DENND1A: variants seen among roughly 807,000 people sequenced by gnomAD.
DENND1A encodes DENN domain-containing protein 1A.
A neutral mutation model predicts 113.7 loss-of-function variants in DENND1A; 51 were observed. That is an observed-to-expected ratio of 0.45 (90% confidence interval 0.36 to 0.57). DENND1A has a LOEUF of 0.57. Among genes scored for constraint, DENND1A ranks in the 20% least tolerant of loss-of-function variants. The probability of loss-of-function intolerance (pLI) is 0.00; values close to 1 mark genes in which losing one functional copy is unlikely to be tolerated. For synonymous variants in DENND1A, 565 were observed against 570.8 expected (o/e 0.99, Z 0.14); for missense variants, 1,258 against 1,395.9 (o/e 0.90, Z 1.57).
At chr9:123,549,117 A>G (rs2056885607) in intron 13 of DENND1A, among the ~76,000 whole-genome samples, 1 of 152,220 alleles carries the variant, frequency 6.6e-6, no homozygotes, top group African/African-American at 2.4e-5. Context: ...CTCTTTAGAC[A>G]GACCTGGGTG....
intron 5 of DENND1A, among the ~76,000 whole-genome samples, chr9:123,717,831 G>C (rs2067078656): frequency 6.6e-6 from 1 of 152,216 alleles, no homozygotes; most frequent in Non-Finnish European, 1.5e-5. Flanking sequence ...TTGCTGAAAT[G>C]CTAAACAGTG....
chr9:123,616,820 A>G (rs974498510), intron 10 of DENND1A, among the ~76,000 whole-genome samples: 1 of 152,254 alleles, frequency 6.6e-6, no homozygotes, highest in Admixed American at 6.5e-5. Flanking sequence ...AACAGGTATC[A>G]CTAATATCAG....
At chr9:123,723,793 C>G (rs558921539) in intron 5 of DENND1A, among the ~76,000 whole-genome samples, 1 of 152,146 alleles carries the variant, frequency 6.6e-6, no homozygotes, top group Non-Finnish European at 1.5e-5. Context: ...TCTTTATCAG[C>G]AGTATGAAAA....
intron 3 of DENND1A, among the ~76,000 whole-genome samples, chr9:123,771,822 T>A (rs1191765121): frequency 2.0e-5 from 3 of 152,222 alleles, no homozygotes; most frequent in Non-Finnish European, 2.9e-5. Context: ...CCAGCTTTCC[T>A]TTTTATCTAA....
At chr9:123,503,934 G>C (rs944932085) in intron 13 of DENND1A, among the ~76,000 whole-genome samples, 2 of 152,204 alleles carry the variant, frequency 1.3e-5, no homozygotes, top group African/African-American at 4.8e-5. Flanking sequence ...CAGGGGAACT[G>C]AGTCATCTGT....
At position 123,422,797 on chromosome 9, in the gene DENND1A, G is replaced by A. The variant is rs1054337948; in HGVS notation, c.1489-10968C>T. Among the ~76,000 whole-genome samples the A allele has an allele frequency of 1.3e-5, 2 of 152,166 alleles. No homozygotes were observed. Among genetic ancestry groups the A allele is most frequent in the Admixed American group, 6.5e-5 (1 of 15,286 alleles). ...TTGTACTGCTGTGAGATGGGAAAAC[G>A]TGTGACATTTTTATTCATGGTGGCG... is the stretch of plus-strand genomic sequence containing the variant. On this transcript the variant is annotated intron_variant, in intron 19 of 23. Transcript: ENST00000394215. The surrounding 1 kb of genome is among the most constrained non-coding windows in gnomAD (Gnocchi z 4.8).
chr9:123,691,508 A>G (rs2065187256), intron 5 of DENND1A, among the ~76,000 whole-genome samples: 1 of 151,654 alleles, frequency 6.6e-6, no homozygotes, highest in Non-Finnish European at 1.5e-5. Flanking sequence ...TGGATCCCAG[A>G]GTAAGGGTAG....
intron 3 of DENND1A, among the ~76,000 whole-genome samples, chr9:123,772,234 C>T (rs776777010): frequency 6.6e-6 from 1 of 152,136 alleles, no homozygotes; most frequent in African/African-American, 2.4e-5. Flanking sequence ...ACATTCATGT[C>T]TTATCATCTT....
chr9:123,849,252 A>C (rs1365777362), intron 2 of DENND1A, among the ~76,000 whole-genome samples: 1 of 152,224 alleles, frequency 6.6e-6, no homozygotes, highest in Non-Finnish European at 1.5e-5. Flanking sequence ...GCAGCTGGTG[A>C]CTTTAAATTC....
rs1387121629 is a variant in DENND1A, at chr9:123,870,194, A to C, written c.88+8757T>G. 2.0e-5 allele frequency among the ~76,000 whole-genome samples: 3 copies of C among 152,172 alleles called. No individual in the cohort carries two copies. In the East Asian group the frequency reaches 5.8e-4, roughly 29 times the overall value. Reference sequence around the variant, plus strand: ...CCACATATCCCCTGATTTTCTGTACAATCCTGATTTATCTGCCCCCACATT... The same window carrying C: ...CCACATATCCCCTGATTTTCTGTACCATCCTGATTTATCTGCCCCCACATT... On this transcript the variant is annotated intron_variant, in intron 2 of 23. Transcript: ENST00000394215.
intron 6 of DENND1A, among the ~76,000 whole-genome samples, chr9:123,673,140 ATGTT>A (rs2063848186): frequency 6.6e-6 from 1 of 152,222 alleles, no homozygotes; most frequent in Non-Finnish European, 1.5e-5. Flanking sequence ...TTCACTCATG[ATGTT>A]TGCTTTCATC....
At chr9:123,829,017 C>G (rs1037345725) in intron 2 of DENND1A, among the ~76,000 whole-genome samples, 1 of 152,152 alleles carries the variant, frequency 6.6e-6, no homozygotes, top group African/African-American at 2.4e-5. Context: ...CGGAGCCAGG[C>G]AAGATTAGGC....
At chr9:123,445,968 C>A (rs118162128) in intron 18 of DENND1A, among the ~76,000 whole-genome samples, 10 of 152,346 alleles carry the variant, frequency 6.6e-5, no homozygotes, top group Non-Finnish European at 1.2e-4. Context: ...CTCCTTCCAA[C>A]GATCCAGCAA....
At position 123,402,879 on chromosome 9, in the gene DENND1A, C is replaced by T. The variant is rs552078018; in HGVS notation, c.1631+523G>A. 2.0e-5 allele frequency among the ~76,000 whole-genome samples: 3 copies of T among 152,336 alleles called. No individual in the cohort carries two copies. The South Asian group carries it at 6.2e-4, about 32-fold the overall frequency. On this transcript the variant is annotated intron_variant, in intron 21 of 23. Transcript: ENST00000394215. The stretch of plus-strand genomic sequence containing the variant: ...GGCCAGTCCTACGGGAGGTGCTGGG[C>T]ATAACACCCAGGGAGCTCCGCGTCT...
intron 13 of DENND1A, among the ~76,000 whole-genome samples, chr9:123,476,720 C>G (rs536468133): frequency 6.6e-6 from 1 of 152,288 alleles, no homozygotes; most frequent in African/African-American, 2.4e-5. Flanking sequence ...TTACCATGTG[C>G]CAGGTACCCT....
chr9:123,550,145 T>G (rs1205907076), intron 13 of DENND1A, among the ~76,000 whole-genome samples: 1 of 152,202 alleles, frequency 6.6e-6, no homozygotes, highest in Non-Finnish European at 1.5e-5. Context: ...CAGAATCACA[T>G]GCAAAATCAT....
intron 12 of DENND1A, among the ~76,000 whole-genome samples, chr9:123,560,395 G>A (rs2057676764): frequency 6.6e-6 from 1 of 152,202 alleles, no homozygotes; most frequent in Non-Finnish European, 1.5e-5. Context: ...AGATGGGACT[G>A]ATACCCTCCT....
chr9:123,863,989 C>CAA lies in DENND1A; in HGVS notation c.88+14960_88+14961dup, dbSNP rs760383280. Among the ~76,000 whole-genome samples, 82 of 134,758 alleles carry CAA rather than the reference C, an allele frequency of 6.1e-4. 1 individual carries two copies. The highest frequency in any genetic ancestry group is 1.3e-3 in the East Asian group (6 of 4,712). The allele number at this position is 134,758 out of a possible 152,430, so 88.4% of individuals were successfully genotyped here. ...TAACAAAACTCCATATTGCTTCACT[C>CAA]AAAAAAAAAAAACACACAGAAAATC... On this transcript the variant is annotated intron_variant, in intron 2 of 23. Transcript: ENST00000394215.
At chr9:123,549,596 T>C (rs2135832999) in intron 13 of DENND1A, among the ~76,000 whole-genome samples, 1 of 152,294 alleles carries the variant, frequency 6.6e-6, no homozygotes, top group East Asian at 1.9e-4. Context: ...TTCAAAGCTT[T>C]ATTCACAAAG....
Sources: gnomAD v4.1 joint callset for allele counts (sites outside exome capture counted in the v4.1 genomes callset) on GRCh38, gnomAD v4.1.1 for gene constraint, Gnocchi (gnomAD v3.1) non-coding constraint, MANE v1.5 for transcripts, NCBI Gene and HGNC (gene_info 2026-07-23, HGNC 2026-07-21) for gene names.